The following CPEB2 variants were observed in gnomAD, a reference collection of about 807,000 sequenced individuals.
CPEB2 encodes cytoplasmic polyadenylation element binding protein 2, also known as cytoplasmic polyadenylation element-binding protein 2.
CPEB2 carries 56 observed loss-of-function variants against 93.6 expected under a neutral mutation model. That is an observed-to-expected ratio of 0.60 (90% confidence interval 0.48 to 0.75). The LOEUF is 0.75. Ranked by LOEUF, CPEB2 falls within the 30% of genes least tolerant of loss-of-function variation. The pLI is 0.00. For missense variants in CPEB2, 1,579 were observed against 1,395.1 expected, an observed-to-expected ratio of 1.13 and a Z score of -2.10; for synonymous variants, 764 against 586.3, an observed-to-expected ratio of 1.30 and a Z score of -4.38.
At chr4:15,039,283 A>G (rs1046339745) in intron 5 of CPEB2, among the ~76,000 whole-genome samples, 1 of 152,178 alleles carries the variant, frequency 6.6e-6, no homozygotes, top group Non-Finnish European at 1.5e-5. Context: ...CCCACTTTAT[A>G]TTAGAGGAAC....
In CPEB2 at chr4:15,002,729, C is replaced by A; in HGVS notation, c.56C>A (p.Pro19His). ...LQTAPLRSSSPGPLFCGEAYG... is the reference protein window; with the variant it reads ...LQTAPLRSSSHGPLFCGEAYG... ...ACCGCCCCGCTCCGAAGTAGCAGTCCTGGGCCCCTGTTCTGCGGCGAGGCG... is the reference window on the plus strand; with the variant it reads ...ACCGCCCCGCTCCGAAGTAGCAGTCATGGGCCCCTGTTCTGCGGCGAGGCG... The change falls in exon 1 of 12, where the codon CCT (proline) becomes CAT (histidine). Residue 19 changes from proline (P) to histidine (H), a missense_variant. By Grantham distance (77) the Pro-to-His change is moderately conservative (BLOSUM62 -2). Coordinates refer to ENST00000538197, the MANE Select transcript of CPEB2 (RefSeq NM_001177382.2). 6.5e-7 allele frequency: 1 copy of A among 1,534,594 alleles called. No individual in the cohort carries two copies.
intron 5 of CPEB2, among the ~76,000 whole-genome samples, chr4:15,036,530 TA>T (rs935587707): frequency 2.6e-5 from 4 of 151,592 alleles, no homozygotes; most frequent in East Asian, 3.9e-4. Flanking sequence ...ATCAGTAGTT[TA>T]AAAAAAAACC....
At chr4:15,007,616 C>G (rs947865332) in intron 2 of CPEB2, 30 bp downstream of exon 2, 6 of 1,379,692 alleles carry the variant, frequency 4.3e-6, no homozygotes, top group African/African-American at 2.9e-5. Context: ...GACCTTATCT[C>G]TAATGTTAAT....
intron 8 of CPEB2, among the ~76,000 whole-genome samples, chr4:15,055,609 C>A (rs1728639870): frequency 1.3e-5 from 2 of 152,186 alleles, no homozygotes; most frequent in Admixed American, 1.3e-4. Flanking sequence ...TTTCTCCTAT[C>A]GTCCAGTCAC....
At chr4:15,059,347 T>C in intron 10 of CPEB2, 46 bp downstream of exon 10, 1 of 1,204,370 alleles carries the variant, frequency 8.3e-7, no homozygotes. Context: ...CATTTAAATA[T>C]GTCCTAGTCA....
intron 10 of CPEB2, among the ~76,000 whole-genome samples, chr4:15,061,519 G>A (rs1729188379): frequency 1.3e-5 from 2 of 151,708 alleles, no homozygotes; most frequent in African/African-American, 4.8e-5. Flanking sequence ...GAGTCATGGT[G>A]TGATAGTCTG....
intron 8 of CPEB2, among the ~76,000 whole-genome samples, chr4:15,054,954 A>G (rs1254671785): frequency 6.6e-6 from 1 of 152,220 alleles, no homozygotes; most frequent in African/African-American, 2.4e-5. Flanking sequence ...GAAAAAGCAC[A>G]CCACACATAC....
chr4:15,032,173 C>T (rs1199323159), intron 4 of CPEB2, among the ~76,000 whole-genome samples: 1 of 152,186 alleles, frequency 6.6e-6, no homozygotes, highest in African/African-American at 2.4e-5. Flanking sequence ...TCATAGCTCA[C>T]TACATGCTCA....
intron 1 of CPEB2, 104 bp from the exon 2 acceptor site, chr4:15,007,201 T>C (rs1159435249): frequency 1.0e-6 from 1 of 970,112 alleles, no homozygotes; most frequent in African/African-American, 1.7e-5. Context: ...TTCTTTTGCC[T>C]TTATATATTT....
rs764304643 is a variant in CPEB2, at chr4:15,030,096, A to G, written c.2126-3065A>G. On this transcript the variant is annotated intron_variant, in intron 4 of 11. Transcript: ENST00000538197. ...AACAGGTAGTTATTAGTGTACATCT[A>G]TCAGTCACTGCACCACAGGTCTTTT... Among the ~76,000 whole-genome samples the G allele has an allele frequency of 1.4e-4, 21 of 152,216 alleles. 1 individual carries two copies. The highest frequency in any genetic ancestry group is 1.1e-3 in the Admixed American group (17 of 15,276).
intron 5 of CPEB2, among the ~76,000 whole-genome samples, chr4:15,039,619 G>T (rs1230509429): frequency 6.6e-6 from 1 of 151,686 alleles, no homozygotes; most frequent in Non-Finnish European, 1.5e-5. Context: ...ACAATTTGTG[G>T]ATTTTATCAA....
At chr4:15,063,509 G>A (rs2109111379) in intron 11 of CPEB2, among the ~76,000 whole-genome samples, 1 of 152,178 alleles carries the variant, frequency 6.6e-6, no homozygotes, top group Non-Finnish European at 1.5e-5. Context: ...TGGGAACTTA[G>A]AAAAATCTTG....
At chr4:15,041,405 CTT>C (rs34625144) in intron 6 of CPEB2, among the ~76,000 whole-genome samples, 11 of 144,752 alleles carry the variant, frequency 7.6e-5, no homozygotes, top group African/African-American at 1.5e-4. Context: ...CCTTTGATCA[CTT>C]TTTTTTTTTT....
Position 15,003,411 on chromosome 4 carries a change from G to C in CPEB2, c.738G>C (p.Pro246=). The C allele has an allele frequency of 7.4e-7, 1 of 1,359,802 alleles. No homozygotes were observed. The highest frequency in any genetic ancestry group is 9.4e-7 in the Non-Finnish European group (1 of 1,066,758). 84.2% of individuals were successfully genotyped at this position (1,359,802 alleles called of 1,614,324 possible). Residue 246 remains proline, a synonymous_variant, in exon 1 of 12, where the codon CCG becomes CCC. Transcript: ENST00000538197. ...TCCTGCATCAGCAGCACCTCTCGCCGCAGGACTTCGCCCCGCGGCAGCGTC... is the reference window on the plus strand; with the variant it reads ...TCCTGCATCAGCAGCACCTCTCGCCCCAGGACTTCGCCCCGCGGCAGCGTC... ...FSLLHQQHLS[P]QDFAPRQRPA... is the part of the protein sequence containing the mutation.
intron 4 of CPEB2, among the ~76,000 whole-genome samples, chr4:15,025,564 C>G (rs942555033): frequency 1.3e-4 from 19 of 151,748 alleles, no homozygotes; most frequent in African/African-American, 4.6e-4. Context: ...TTCTTTTGTT[C>G]TGGCAAATGA....
chr4:15,063,710 T>G (rs984732424), intron 11 of CPEB2: 3 of 152,130 alleles, frequency 2.0e-5, no homozygotes, highest in Admixed American at 1.3e-4. Flanking sequence ...GTGTCATACC[T>G]CATACCTCTT....
chr4:15,026,652 G>A (rs1198130324), intron 4 of CPEB2, among the ~76,000 whole-genome samples: 1 of 152,124 alleles, frequency 6.6e-6, no homozygotes, highest in African/African-American at 2.4e-5. Flanking sequence ...AATAGGAGGA[G>A]CCCAGTAAAT....
At chr4:15,023,215 G>C (rs1377479932) in intron 4 of CPEB2, among the ~76,000 whole-genome samples, 3 of 151,874 alleles carry the variant, frequency 2.0e-5, no homozygotes, top group Admixed American at 1.3e-4. Flanking sequence ...ATGGAAAGTA[G>C]AACAACAAAA....
chr4:15,033,291 A>G (rs1490235449), intron 5 of CPEB2, 80 bp downstream of exon 5: 4 of 856,134 alleles, frequency 4.7e-6, no homozygotes, highest in Non-Finnish European at 7.7e-6. Flanking sequence ...GAACCTGTCC[A>G]TACACACAAT....
Sources: gnomAD v4.1 joint callset for allele counts (sites outside exome capture counted in the v4.1 genomes callset) on GRCh38, gnomAD v4.1.1 for gene constraint, MANE v1.5 for transcripts, NCBI Gene and HGNC (gene_info 2026-07-23, HGNC 2026-07-21) for gene names.